Variants in CBX6 observed in about 807,000 individuals in gnomAD.
The protein encoded by CBX6 is chromobox protein homolog 6.
CBX6 carries 7 observed loss-of-function variants against 28.4 expected under a neutral mutation model. That is an observed-to-expected ratio of 0.25 (90% CI 0.14 to 0.46). The LOEUF is 0.46. Ranked by LOEUF, CBX6 falls within the 20% of genes least tolerant of loss-of-function variation. CBX6 has a pLI of 0.99. For missense variants in CBX6, 512 were observed against 606.1 expected (o/e 0.84, Z 1.63); for synonymous variants, 297 against 273.4 (o/e 1.09, Z -0.85).
rs749844739 is a variant in CBX6, at chr22:38,867,052, A to G, written c.396T>C (p.Arg132=). The G allele has an allele frequency of 3.4e-5, 55 of 1,604,652 alleles. No homozygotes were observed. The South Asian group carries it at 5.2e-4, about 15-fold the overall frequency. Residue 132 remains arginine, a synonymous_variant, in exon 5 of 5, where the codon CGT becomes CGC. Transcript: ENST00000407418. ...DIRRCHRMSR[R]PLPRPDPQGG... ...CCTGCGGGTCCGGGCGGGGCAGGGG[A>G]CGGCGGGACATACGGTGGCAGCGGC...
rs1331163540 is a variant in CBX6, at chr22:38,871,165, G to A, written c.246+315C>T. On this transcript the variant is annotated intron_variant, in intron 4 of 4. Transcript: ENST00000407418. The surrounding 1 kb of genome is among the most constrained non-coding windows in gnomAD (Gnocchi z 5.6). ...CACAGTCATAACAGCTCAAACAAAT[G>A]CCCCCTTCCCATGGGCATCCCCCAC... The A allele has an allele frequency of 1.1e-5, 5 of 460,964 alleles. No homozygotes were observed. Among genetic ancestry groups the A allele is most frequent in the Non-Finnish European group, 3.9e-6 (1 of 256,812 alleles). The allele number at this position is 460,964 out of a possible 1,614,324, so 28.6% of individuals were successfully genotyped here.
In CBX6 at chr22:38,864,652, G is replaced by T. The variant is rs2146211408; in HGVS notation, c.*1557C>A. ...GGCAGGGAGATTGGGAAGGAAGGCA[G>T]CCTCCCATTCTTAGGACCAAAGGCG... On this transcript the variant is annotated 3_prime_UTR_variant, in exon 5 of 5. Transcript: ENST00000407418. The T allele has an allele frequency of 6.6e-6, 1 of 152,516 alleles. No homozygotes were observed. Among genetic ancestry groups the T allele is most frequent in the Non-Finnish European group, 1.5e-5 (1 of 68,080 alleles). 9.4% of individuals were successfully genotyped at this position (152,516 alleles called of 1,614,324 possible).
Position 38,862,636 on chromosome 22 carries a change from A to T in CBX6, c.*3573T>A, listed in dbSNP as rs1221055946. ...ACACAGAAGAGTGGGCAAAAGGGGG[A>T]TGTGTCCTCTTGGGTCCCCATAGGC... On this transcript the variant is annotated 3_prime_UTR_variant, in exon 5 of 5. Transcript: ENST00000407418. The T allele has an allele frequency of 6.6e-6, 1 of 151,920 alleles. No homozygotes were observed. The highest frequency in any genetic ancestry group is 1.5e-5 in the Non-Finnish European group (1 of 68,052). 9.4% of individuals were successfully genotyped at this position (151,920 alleles called of 1,614,324 possible).
rs1032540309 is a variant in CBX6 at position 38,865,884 on chromosome 22, A to G, written c.*325T>C. 1 of 335,698 alleles carries G rather than the reference A, an allele frequency of 3.0e-6. No homozygotes were observed. Among genetic ancestry groups the G allele is most frequent in the African/African-American group, 2.1e-5 (1 of 47,450 alleles). The allele number at this position is 335,698 out of a possible 1,614,324, so 20.8% of individuals were successfully genotyped here. A position where few individuals can be genotyped will look rare whatever the true frequency, so the allele number is the denominator to read the frequency against. On this transcript the variant is annotated 3_prime_UTR_variant, in exon 5 of 5. Transcript: ENST00000407418. Reference sequence around the variant, plus strand: ...TTAGCACCGAGAAATCAGACGCCGCACAGGAGAGCAGGAAGCAAGCTAGAG... The same window carrying G: ...TTAGCACCGAGAAATCAGACGCCGCGCAGGAGAGCAGGAAGCAAGCTAGAG...
chr22:38,872,207 C>G lies in CBX6; in HGVS notation c.-17G>C. On this transcript the variant is annotated 5_prime_UTR_variant, in exon 1 of 5. Coordinates refer to ENST00000407418, the MANE Select transcript of CBX6 (RefSeq NM_014292.5). The surrounding 1 kb of genome is among the most constrained non-coding windows in gnomAD (Gnocchi z 5.0). ...CAGCTCCATCTTGCTCAGCGGCACC[C>G]ACAGCCCATAATACTCCCTGCGCCC... 1 of 1,380,566 alleles carries G rather than the reference C, an allele frequency of 7.2e-7. No individual in the cohort carries two copies. 85.5% of individuals were successfully genotyped at this position (1,380,566 alleles called of 1,614,324 possible). A position where few individuals can be genotyped will look rare whatever the true frequency, so the allele number is the denominator to read the frequency against.
rs1376730218 is a variant in CBX6 at position 38,870,760 on chromosome 22, T to C, written c.246+720A>G. Reference sequence around the variant, plus strand: ...GCCCTTCCTTTCCCAGACTCTGTTTTTCCTTGTCAAAATAAAATAAAAACC... The same window carrying C: ...GCCCTTCCTTTCCCAGACTCTGTTTCTCCTTGTCAAAATAAAATAAAAACC... On this transcript the variant is annotated intron_variant, in intron 4 of 4. Coordinates refer to ENST00000407418, the MANE Select transcript of CBX6 (RefSeq NM_014292.5). The surrounding 1 kb of genome is among the most constrained non-coding windows in gnomAD (Gnocchi z 4.3). The C allele has an allele frequency of 6.6e-6, 1 of 152,288 alleles. No individual in the cohort carries two copies. The highest frequency in any genetic ancestry group is 1.5e-5 in the Non-Finnish European group (1 of 68,094). The allele number at this position is 152,288 out of a possible 1,614,324, so 9.4% of individuals were successfully genotyped here.
chr22:38,868,954 G>T (rs2093176393), intron 4 of CBX6, among the ~76,000 whole-genome samples: 1 of 152,202 alleles, frequency 6.6e-6, no homozygotes, highest in African/African-American at 2.4e-5. Context: ...CATGGGAGAA[G>T]GGACTGTGAC....
chr22:38,868,230 C>A (rs1307668204), intron 4 of CBX6, among the ~76,000 whole-genome samples: 1 of 152,236 alleles, frequency 6.6e-6, no homozygotes, highest in Non-Finnish European at 1.5e-5. Flanking sequence ...CACCAGGCAC[C>A]AGTTGCTTGG....
At chr22:38,869,143 C>A (rs2098798619) in intron 4 of CBX6, among the ~76,000 whole-genome samples, 1 of 152,202 alleles carries the variant, frequency 6.6e-6, no homozygotes, top group Non-Finnish European at 1.5e-5. Flanking sequence ...AAAGCCCAGG[C>A]TTTTTTGGCG....
chr22:38,871,566 G>A lies in CBX6; in HGVS notation c.180-20C>T. On this transcript the variant is annotated intron_variant, in intron 3 of 4. Transcript: ENST00000407418. This position sits in a 1 kb window ranked among gnomAD's most constrained non-coding sequence, Gnocchi z 5.6. ...CTCTCCCTGCGGCCGAAAAACACCA[G>A]AGGTTAAAAAGAGCCCCTTCCCGGG... is the stretch of plus-strand genomic sequence containing the variant. 1 of 1,613,738 alleles carries A rather than the reference G, an allele frequency of 6.2e-7. No homozygotes were observed. The highest frequency in any genetic ancestry group is 8.5e-7 in the Non-Finnish European group (1 of 1,179,820).
At position 38,871,648 on chromosome 22, in the gene CBX6, G is replaced by A. The variant is rs375896091; in HGVS notation, c.179+44C>T. On this transcript the variant is annotated intron_variant, in intron 3 of 4. Transcript: ENST00000407418. This position sits in a 1 kb window ranked among gnomAD's most constrained non-coding sequence, Gnocchi z 5.6. ...CGCTTCCCCGCGCGGCGCCCCAGCC[G>A]AGCCTCGGCCTCGCAGCCCCTGCCA... The A allele has an allele frequency of 9.8e-5, 158 of 1,611,794 alleles. No individual in the cohort carries two copies. In the Middle Eastern group the frequency reaches 1.2e-3, roughly 12 times the overall value.
chr22:38,862,262 C>T lies in CBX6; in HGVS notation c.*3947G>A, dbSNP rs923941990. The T allele has an allele frequency of 2.6e-5, 4 of 152,228 alleles. No individual in the cohort carries two copies. The highest frequency in any genetic ancestry group is 5.9e-5 in the Non-Finnish European group (4 of 68,038). 9.4% of individuals were successfully genotyped at this position (152,228 alleles called of 1,614,324 possible). ...GCCCCCACTAACCATCTCCCTATTTCTGCATCCTGGTGACCGTCAGCAAGA... is the reference window on the plus strand; with the variant it reads ...GCCCCCACTAACCATCTCCCTATTTTTGCATCCTGGTGACCGTCAGCAAGA... On this transcript the variant is annotated 3_prime_UTR_variant, in exon 5 of 5. Transcript: ENST00000407418.
chr22:38,872,058 C>T lies in CBX6; in HGVS notation c.69+64G>A. 3.1e-6 allele frequency: 4 copies of T among 1,294,386 alleles called. No individual in the cohort carries two copies. Among genetic ancestry groups the T allele is most frequent in the Non-Finnish European group, 3.9e-6 (4 of 1,013,930 alleles). 80.2% of individuals were successfully genotyped at this position (1,294,386 alleles called of 1,614,324 possible). The stretch of plus-strand genomic sequence containing the variant: ...GCCGGGCTAGCGGGACCGCTTCGCC[C>T]CGAGGGCCCCCGGCCCCGGCCCCGG... On this transcript the variant is annotated intron_variant, in intron 1 of 4. Coordinates refer to ENST00000407418, the MANE Select transcript of CBX6 (RefSeq NM_014292.5). This position sits in a 1 kb window ranked among gnomAD's most constrained non-coding sequence, Gnocchi z 5.0.
intron 4 of CBX6, among the ~76,000 whole-genome samples, chr22:38,867,890 C>T (rs2093174365): frequency 6.6e-6 from 1 of 152,250 alleles, no homozygotes; most frequent in South Asian, 2.1e-4. Flanking sequence ...GGCTGGAACC[C>T]AACCCGGTCA....
In CBX6 at chr22:38,863,859, C is replaced by T. The variant is rs2093163298; in HGVS notation, c.*2350G>A. The T allele has an allele frequency of 6.6e-6, 1 of 152,280 alleles. No individual in the cohort carries two copies. Among genetic ancestry groups the T allele is most frequent in the East Asian group, 1.9e-4 (1 of 5,194 alleles). The allele number at this position is 152,280 out of a possible 1,614,324, so 9.4% of individuals were successfully genotyped here. A position where few individuals can be genotyped will look rare whatever the true frequency, so the allele number is the denominator to read the frequency against. On this transcript the variant is annotated 3_prime_UTR_variant, in exon 5 of 5. Coordinates refer to ENST00000407418, the MANE Select transcript of CBX6 (RefSeq NM_014292.5). ...CGGTGGTGGGGACCAGATGGCCCAACAACTGGGAAAGGAACAGAAGGGGGC... is the reference window on the plus strand; with the variant it reads ...CGGTGGTGGGGACCAGATGGCCCAATAACTGGGAAAGGAACAGAAGGGGGC...
chr22:38,866,981 G>A lies in CBX6; in HGVS notation c.467C>T (p.Thr156Met). ...LRPPISPFSE[T>M]VRIINRKVKP... ...CACCTTGCGGTTGATGATGCGCACC[G>A]TCTCCGAGAAGGGCGAAATGGGCGG... is the stretch of plus-strand genomic sequence containing the variant. The change falls in exon 5 of 5, where the codon ACG becomes ATG. Residue 156 changes from threonine to methionine, a missense_variant. Physicochemically the swap from Thr to Met is moderately conservative, Grantham distance 81. Around this residue, in one of 7 missense-constraint regions of CBX6, gnomAD observed 123 missense variants for 138.1 expected, o/e 0.89. Transcript: ENST00000407418. This position sits in a 1 kb window ranked among gnomAD's most constrained non-coding sequence, Gnocchi z 7.5. 2 of 1,608,766 alleles carry A rather than the reference G, an allele frequency of 1.2e-6. No homozygotes were observed. Among genetic ancestry groups the A allele is most frequent in the Non-Finnish European group, 8.5e-7 (1 of 1,178,456 alleles).
Position 38,866,586 on chromosome 22 carries a change from G to T in CBX6, c.862C>A (p.Pro288Thr). The T allele has an allele frequency of 6.4e-7, 1 of 1,573,134 alleles. No individual in the cohort carries two copies. Among genetic ancestry groups the T allele is most frequent in the Non-Finnish European group, 8.6e-7 (1 of 1,166,700 alleles). Reference sequence around the variant, plus strand: ...AGGAGCTTGGGGGGCGTGTCGTCGGGGTCAGAGGACTGTGGTGTAGGCGAG... The same window carrying T: ...AGGAGCTTGGGGGGCGTGTCGTCGGTGTCAGAGGACTGTGGTGTAGGCGAG... ...CPSPTPQSSD[P>T]DDTPPKLLPE... Residue 288 changes from proline (P) to threonine (T), a missense_variant, in exon 5 of 5, where the codon CCC becomes ACC. This residue lies in a region of CBX6 where 290 missense variants were observed against 274.1 expected (regional missense o/e 1.06). Transcript: ENST00000407418. This position sits in a 1 kb window ranked among gnomAD's most constrained non-coding sequence, Gnocchi z 7.5.
chr22:38,865,306 C>T lies in CBX6; in HGVS notation c.*903G>A. On this transcript the variant is annotated 3_prime_UTR_variant, in exon 5 of 5. Transcript: ENST00000407418. ...GAGGCCTGGTGACTTCCACAGCAAA[C>T]CTCCAGACCCAAGCCTGGTCCCCAG... 6.6e-6 allele frequency: 1 copy of T among 152,580 alleles called. No individual in the cohort carries two copies. Among genetic ancestry groups the T allele is most frequent in the Non-Finnish European group, 1.5e-5 (1 of 68,178 alleles). 9.5% of individuals were successfully genotyped at this position (152,580 alleles called of 1,614,324 possible).
In CBX6 at chr22:38,866,575, CGTGTCG is replaced by C; in HGVS notation, c.867_872del (p.Asp289_Thr291delinsGlu). On this transcript the variant is annotated inframe_deletion, in exon 5 of 5. Transcript: ENST00000407418. The surrounding 1 kb of genome is among the most constrained non-coding windows in gnomAD (Gnocchi z 7.5). Reference sequence around the variant, plus strand: ...CGGTCTCGGGGAGGAGCTTGGGGGGCGTGTCGTCGGGGTCAGAGGACTGTGGTGTAG... The same window carrying C: ...CGGTCTCGGGGAGGAGCTTGGGGGGCTCGGGGTCAGAGGACTGTGGTGTAG... The C allele has an allele frequency of 1.3e-6, 2 of 1,573,350 alleles. 1 individual carries two copies. The highest frequency in any genetic ancestry group is 2.3e-5 in the South Asian group (2 of 88,112).
Sources: gnomAD v4.1 joint callset for allele counts (sites outside exome capture counted in the v4.1 genomes callset) on GRCh38, gnomAD v4.1.1 for gene constraint, gnomAD v4.1.1 regional missense constraint, Gnocchi (gnomAD v3.1) non-coding constraint, MANE v1.5 for transcripts, NCBI Gene and HGNC (gene_info 2026-07-23, HGNC 2026-07-21) for gene names.